CPNE7: variants seen among roughly 807,000 people sequenced by gnomAD.
The protein encoded by CPNE7 is copine 7, also known as copine-7.
CPNE7 carries 78 observed loss-of-function variants against 66.5 expected under a neutral mutation model. The ratio of observed to expected loss-of-function variants is 1.17; its 90% CI spans 0.98 to 1.42. The LOEUF is 1.42. Ranked by LOEUF, CPNE7 falls within the 40% of genes most tolerant of loss-of-function variation. CPNE7 has a pLI of 0.00. For synonymous variants in CPNE7, 468 were observed against 336.7 expected, an observed-to-expected ratio of 1.39 and a Z score of -4.27; for missense variants, 1,012 against 776.6, an observed-to-expected ratio of 1.30 and a Z score of -3.60.
At chr16:89,578,168 G>T (rs370240513) in intron 2 of CPNE7, among the ~76,000 whole-genome samples, 1 of 150,248 alleles carries the variant, frequency 6.7e-6, no homozygotes. Context: ...GGGTTCAAGC[G>T]ATTCTCCTGC....
At chr16:89,578,797 G>T in intron 2 of CPNE7, 1 of 1,501,508 alleles carries the variant, frequency 6.7e-7, no homozygotes. Context: ...CTTGTGAGCA[G>T]CAGGTCCTAC....
Position 89,584,650 on chromosome 16 carries a change from G to A in CPNE7, c.508-124G>A, listed in dbSNP as rs564908063. 6.6e-4 allele frequency: 484 copies of A among 730,234 alleles called. 1 individual carries two copies. Among genetic ancestry groups the A allele is most frequent in the Middle Eastern group, 2.9e-3 (11 of 3,774 alleles). The allele number at this position is 730,234 out of a possible 1,614,324, so 45.2% of individuals were successfully genotyped here. Reference sequence around the variant, plus strand: ...GCTGTCGGCGGGGACTGGCTGCCTCGTTTTGTGCCTGAGGAATTAGCGGCT... The same window carrying A: ...GCTGTCGGCGGGGACTGGCTGCCTCATTTTGTGCCTGAGGAATTAGCGGCT... On this transcript the variant is annotated intron_variant, in intron 4 of 14. Coordinates refer to ENST00000319518, the MANE Select transcript of CPNE7 (RefSeq NM_153636.3). This position sits in a 1 kb window ranked among gnomAD's most constrained non-coding sequence, Gnocchi z 6.0.
In CPNE7 at chr16:89,596,781, C is replaced by A; in HGVS notation, c.*160C>A. On this transcript the variant is annotated 3_prime_UTR_variant, in exon 15 of 15. Transcript: ENST00000319518. ...CTCCTGGGATCCTGCTGGCTTGGGCCCGGCTCTGGGGCCCCCAAGGCCGAA... is the reference window on the plus strand; with the variant it reads ...CTCCTGGGATCCTGCTGGCTTGGGCACGGCTCTGGGGCCCCCAAGGCCGAA... The A allele has an allele frequency of 9.7e-7, 1 of 1,029,532 alleles. No individual in the cohort carries two copies. The highest frequency in any genetic ancestry group is 1.3e-6 in the Non-Finnish European group (1 of 766,568). The allele number at this position is 1,029,532 out of a possible 1,614,324, so 63.8% of individuals were successfully genotyped here.
intron 1 of CPNE7, among the ~76,000 whole-genome samples, chr16:89,576,750 G>A (rs1399566643): frequency 3.9e-5 from 6 of 152,208 alleles, no homozygotes; most frequent in African/African-American, 1.2e-4. Flanking sequence ...TTTCCCCGGC[G>A]CAGGGGTCTC....
intron 9 of CPNE7, among the ~76,000 whole-genome samples, chr16:89,588,063 G>A (rs1168167661): frequency 3.8e-4 from 2 of 5,312 alleles, no homozygotes; most frequent in African/African-American, 1.0e-3. Context: ...ACAGATACAC[G>A]GCCCCCCGTG....
chr16:89,584,897 C>T lies in CPNE7; in HGVS notation c.591+40C>T. 1 of 1,555,102 alleles carries T rather than the reference C, an allele frequency of 6.4e-7. No homozygotes were observed. The highest frequency in any genetic ancestry group is 8.9e-7 in the Non-Finnish European group (1 of 1,129,482). Reference sequence around the variant, plus strand: ...ATGGGAACACAGGGAGGGGAAGGGGCTGTCCCCAGCCCTCACGCATCTCTG... The same window carrying T: ...ATGGGAACACAGGGAGGGGAAGGGGTTGTCCCCAGCCCTCACGCATCTCTG... On this transcript the variant is annotated intron_variant, in intron 5 of 14. Coordinates refer to ENST00000319518, the MANE Select transcript of CPNE7 (RefSeq NM_153636.3). This position sits in a 1 kb window ranked among gnomAD's most constrained non-coding sequence, Gnocchi z 6.0.
chr16:89,578,998 T>C (rs757952722), intron 2 of CPNE7: 2 of 1,594,654 alleles, frequency 1.3e-6, no homozygotes, highest in Non-Finnish European at 1.7e-6. Flanking sequence ...TTTATTGAGG[T>C]AAAATTTACA....
At chr16:89,577,370 G>A (rs2058876215) in intron 1 of CPNE7, among the ~76,000 whole-genome samples, 169 bp from the exon 2 acceptor site, 1 of 152,202 alleles carries the variant, frequency 6.6e-6, no homozygotes, top group African/African-American at 2.4e-5. Context: ...GACCCCCAGG[G>A]TGGCCCTCGG....
intron 10 of CPNE7, among the ~76,000 whole-genome samples, chr16:89,589,422 T>G (rs1394481732): frequency 6.6e-6 from 1 of 152,158 alleles, no homozygotes; most frequent in Non-Finnish European, 1.5e-5. Context: ...CACAGAGGCT[T>G]GGGGCTCACC....
intron 9 of CPNE7, among the ~76,000 whole-genome samples, 198 bp from the exon 10 acceptor site, chr16:89,588,477 G>GTTTT (rs1232439091): frequency 6.6e-6 from 1 of 152,110 alleles, no homozygotes; most frequent in Non-Finnish European, 1.5e-5. Context: ...GGAGCCTAGG[G>GTTTT]GCTGGCAGGT....
intron 2 of CPNE7, among the ~76,000 whole-genome samples, chr16:89,578,702 G>GTT (rs910183335): frequency 2.3e-4 from 34 of 150,568 alleles, no homozygotes; most frequent in African/African-American, 8.3e-4. Context: ...AGAGGTTGCA[G>GTT]TGAGTGGAGA....
chr16:89,593,852 C>T (rs533115909), intron 13 of CPNE7, among the ~76,000 whole-genome samples: 8 of 152,162 alleles, frequency 5.3e-5, no homozygotes, highest in Non-Finnish European at 1.0e-4. Flanking sequence ...AGTCCGGAGT[C>T]GAGGATTGCG....
In CPNE7 at chr16:89,576,002, C is replaced by A; in HGVS notation, c.105C>A (p.Asp35Glu). 1 of 1,375,520 alleles carries A rather than the reference C, an allele frequency of 7.3e-7. No homozygotes were observed. Among genetic ancestry groups the A allele is most frequent in the Non-Finnish European group, 9.4e-7 (1 of 1,063,730 alleles). 85.2% of individuals were successfully genotyped at this position (1,375,520 alleles called of 1,614,324 possible). The change falls in exon 1 of 15, where the codon GAC (aspartate) becomes GAA (glutamate). Residue 35 changes from aspartate (D) to glutamate (E), a missense_variant. Transcript: ENST00000319518. Reference protein sequence around the residue: ...ELRLSCRHLLDRDPLTKSDPS... With the variant: ...ELRLSCRHLLERDPLTKSDPS... ...GGCTCAGCTGCCGGCACCTGCTGGA[C>A]CGCGACCCGCTCACCAAGTCCGACC...
intron 8 of CPNE7, 94 bp downstream of exon 8, chr16:89,586,850 G>A (rs2059048672): frequency 7.9e-7 from 1 of 1,265,146 alleles, no homozygotes; most frequent in Non-Finnish European, 1.1e-6. Context: ...CCAGAGGCCT[G>A]GTGGGCCCCA....
At chr16:89,595,216 A>G in intron 13 of CPNE7, 151 bp from the exon 14 acceptor site, 1 of 615,146 alleles carries the variant, frequency 1.6e-6, no homozygotes. Context: ...GTTGTTCGTG[A>G]TGTTTGTGAT....
At position 89,584,586 on chromosome 16, in the gene CPNE7, C is replaced by T. The variant is rs895010967; in HGVS notation, c.508-188C>T. The stretch of plus-strand genomic sequence containing the variant: ...CTCCATGGAGGGCTGAGTTGCCCGC[C>T]GTGGTCAGATCCCTGGGGGCGGGAG... On this transcript the variant is annotated intron_variant, in intron 4 of 14. Coordinates refer to ENST00000319518, the MANE Select transcript of CPNE7 (RefSeq NM_153636.3). This position sits in a 1 kb window ranked among gnomAD's most constrained non-coding sequence, Gnocchi z 6.0. Among the ~76,000 whole-genome samples the T allele has an allele frequency of 1.5e-5, 2 of 135,834 alleles. No individual in the cohort carries two copies. The highest frequency in any genetic ancestry group is 2.7e-5 in the African/African-American group (1 of 37,228). The allele number at this position is 135,834 out of a possible 152,430, so 89.1% of individuals were successfully genotyped here.
intron 2 of CPNE7, among the ~76,000 whole-genome samples, chr16:89,582,895 A>G (rs561894927): frequency 1.3e-5 from 2 of 152,344 alleles, no homozygotes; most frequent in Admixed American, 1.3e-4. Context: ...TGAGGAGATG[A>G]CGGCCACCCC....
intron 9 of CPNE7, chr16:89,587,659 T>TA: frequency 4.6e-6 from 2 of 433,770 alleles, no homozygotes; most frequent in Non-Finnish European, 9.3e-6. Context: ...GTCACCCCCA[T>TA]GTCACCCGCA....
chr16:89,584,424 C>T lies in CPNE7; in HGVS notation c.507+322C>T, dbSNP rs534687709. ...TGACAGGAGGAACTGGAACAGCGCGCGGTTCTGCGGGCTCGTCACGTGGGT... is the reference window on the plus strand; with the variant it reads ...TGACAGGAGGAACTGGAACAGCGCGTGGTTCTGCGGGCTCGTCACGTGGGT... On this transcript the variant is annotated intron_variant, in intron 4 of 14. Coordinates refer to ENST00000319518, the MANE Select transcript of CPNE7 (RefSeq NM_153636.3). The surrounding 1 kb of genome is among the most constrained non-coding windows in gnomAD (Gnocchi z 6.0). Among the ~76,000 whole-genome samples, 18 of 152,330 alleles carry T rather than the reference C, an allele frequency of 1.2e-4. No individual in the cohort carries two copies. The highest frequency in any genetic ancestry group is 3.9e-4 in the East Asian group (2 of 5,184).
Sources: allele counts gnomAD v4.1 joint callset (sites outside exome capture counted in the v4.1 genomes callset), GRCh38; gene constraint gnomAD v4.1.1; non-coding constraint Gnocchi (gnomAD v3.1); transcripts MANE v1.5; gene names NCBI Gene and HGNC (gene_info 2026-07-23, HGNC 2026-07-21).